Variants in BSN observed in about 807,000 individuals in gnomAD.
The protein encoded by BSN is bassoon presynaptic cytomatrix protein, also known as protein bassoon.
BSN carries 57 observed loss-of-function variants against 264.8 expected under a neutral mutation model. The observed-to-expected ratio is 0.22, with a 90% CI of 0.17 to 0.27. The LOEUF (loss-of-function observed/expected upper bound fraction) is 0.27, where lower values mean the gene tolerates loss of function less well. BSN is among the 10% of genes least tolerant of loss of function. BSN has a pLI of 1.00. For missense variants in BSN, 4,615 were observed against 5,232.5 expected (o/e 0.88, Z 3.64); for synonymous variants, 2,059 against 2,137.3 (o/e 0.96, Z 1.01).
rs756235662 is a variant in BSN, at chr3:49,642,239, C to A, written c.634-29C>A. Reference sequence around the variant, plus strand: ...CATGAGTACTGCCAATCCTGGCCACCCTGCTGACTATTTTGCTTTTCTCCT... The same window carrying A: ...CATGAGTACTGCCAATCCTGGCCACACTGCTGACTATTTTGCTTTTCTCCT... On this transcript the variant is annotated intron_variant, in intron 2 of 11. Coordinates refer to ENST00000296452, the MANE Select transcript of BSN (RefSeq NM_003458.4). The surrounding 1 kb of genome is among the most constrained non-coding windows in gnomAD (Gnocchi z 7.0). The A allele has an allele frequency of 8.7e-6, 13 of 1,489,940 alleles. No individual in the cohort carries two copies. Among genetic ancestry groups the A allele is most frequent in the South Asian group, 2.8e-5 (2 of 71,436 alleles). The allele number at this position is 1,489,940 out of a possible 1,614,324, so 92.3% of individuals were successfully genotyped here.
intron 1 of BSN, among the ~76,000 whole-genome samples, chr3:49,575,644 A>ATG (rs569202274): frequency 0.016 from 1,365 of 85,000 alleles, 25 homozygotes; most frequent in African/African-American, 0.055. Context: ...ATGTATATAT[A>ATG]TGTGTGTGTG....
At chr3:49,664,898 G>T in intron 10 of BSN, 45 bp downstream of exon 10, 2 of 1,468,016 alleles carry the variant, frequency 1.4e-6, no homozygotes, top group Non-Finnish European at 1.9e-6. Flanking sequence ...GGAAAGGCCC[G>T]AGGCACTGGG....
intron 2 of BSN, among the ~76,000 whole-genome samples, chr3:49,633,308 A>G (rs934027980): frequency 1.3e-5 from 2 of 151,916 alleles, no homozygotes; most frequent in Admixed American, 6.6e-5. Context: ...TCTCAAAAAA[A>G]AAAAAAAGAA....
chr3:49,653,938 G>C lies in BSN; in HGVS notation c.4382G>C (p.Gly1461Ala). 6.2e-7 allele frequency: 1 copy of C among 1,614,096 alleles called. No homozygotes were observed. The highest frequency in any genetic ancestry group is 1.1e-5 in the South Asian group (1 of 91,086). Reference sequence around the variant, plus strand: ...CCCTTGAGTGCGAGTGACGGTGAGGGTGGCACTCCTCAGCCTTCCCGGGCA... The same window carrying C: ...CCCTTGAGTGCGAGTGACGGTGAGGCTGGCACTCCTCAGCCTTCCCGGGCA... Reference protein sequence around the residue: ...EKPLSASDGEGGTPQPSRAYS... With the variant: ...EKPLSASDGEAGTPQPSRAYS... Residue 1461 changes from glycine (G) to alanine (A), a missense_variant, in exon 5 of 12, where the codon GGT becomes GCT. Physicochemically the swap from Gly to Ala is moderately conservative, Grantham distance 60 (BLOSUM62 0). This residue lies in a region of BSN where 3,415 missense variants were observed against 3,866.4 expected (regional missense o/e 0.88). Coordinates refer to ENST00000296452, the MANE Select transcript of BSN (RefSeq NM_003458.4). This position sits in a 1 kb window ranked among gnomAD's most constrained non-coding sequence, Gnocchi z 6.3.
At chr3:49,641,475 A>C (rs2108071416) in intron 2 of BSN, 1 of 152,354 alleles carries the variant, frequency 6.6e-6, no homozygotes, top group Admixed American at 6.5e-5. Flanking sequence ...CTAATGGCAG[A>C]GGGAAACTAT....
chr3:49,608,512 A>C (rs1322123342), intron 1 of BSN, among the ~76,000 whole-genome samples: 5 of 152,208 alleles, frequency 3.3e-5, no homozygotes, highest in Non-Finnish European at 7.3e-5. Flanking sequence ...AATCAGTCTC[A>C]ACGTCTTTCA....
At position 49,663,472 on chromosome 3, in the gene BSN, G is replaced by A. The variant is rs2052683332; in HGVS notation, c.11314G>A (p.Ala3772Thr). ...PSSRQIPSGA[A>T]SRQPQTQQQQ... ...ATCCAGGCAAATACCCTCTGGGGCA[G>A]CATCACGCCAGCCACAGACACAGCA... is the stretch of plus-strand genomic sequence containing the variant. The change falls in exon 7 of 12, where the codon GCA becomes ACA. Residue 3772 changes from alanine to threonine, a missense_variant. Ala to Thr is a moderately conservative substitution (Grantham distance 58). Around this residue, in one of 3 missense-constraint regions of BSN, gnomAD observed 3,415 missense variants for 3,866.4 expected, o/e 0.88. Coordinates refer to ENST00000296452, the MANE Select transcript of BSN (RefSeq NM_003458.4). The A allele has an allele frequency of 6.2e-7, 1 of 1,612,718 alleles. No individual in the cohort carries two copies. The highest frequency in any genetic ancestry group is 8.5e-7 in the Non-Finnish European group (1 of 1,179,970).
intron 1 of BSN, among the ~76,000 whole-genome samples, chr3:49,568,790 T>C (rs983373693): frequency 3.3e-5 from 5 of 152,160 alleles, no homozygotes; most frequent in Non-Finnish European, 7.3e-5. Context: ...ATTTTACCAG[T>C]GTGTCTGTGC....
chr3:49,572,147 A>G (rs2108007922), intron 1 of BSN, among the ~76,000 whole-genome samples: 1 of 152,328 alleles, frequency 6.6e-6, no homozygotes, highest in East Asian at 1.9e-4. Context: ...TTGGACTTGT[A>G]GGAGCTCTTT....
intron 3 of BSN, among the ~76,000 whole-genome samples, chr3:49,643,520 C>T (rs1258357934): frequency 6.6e-6 from 1 of 152,196 alleles, no homozygotes; most frequent in African/African-American, 2.4e-5. Context: ...CTGCCATGGA[C>T]CTGTGACCTT....
In BSN at chr3:49,642,789, G is replaced by T; in HGVS notation, c.1155G>T (p.Lys385Asn). The T allele has an allele frequency of 1.2e-6, 2 of 1,613,392 alleles. No individual in the cohort carries two copies. The highest frequency in any genetic ancestry group is 1.7e-6 in the Non-Finnish European group (2 of 1,179,968). The change falls in exon 3 of 12, where the codon AAG becomes AAT. Residue 385 changes from lysine (K) to asparagine (N), a missense_variant. Transcript: ENST00000296452. This position sits in a 1 kb window ranked among gnomAD's most constrained non-coding sequence, Gnocchi z 7.0. ...GQPAPSKGTP[K>N]IVFNDASKEA... ...CTGCCCCCAGCAAGGGGACACCTAA[G>T]ATCGTCTTCAATGATGCCAGCAAGG...
intron 1 of BSN, among the ~76,000 whole-genome samples, chr3:49,595,255 C>T (rs1189652330): frequency 3.4e-5 from 5 of 147,656 alleles, no homozygotes; most frequent in East Asian, 2.0e-4. Context: ...TGCAATGGCA[C>T]GATCTCGGCT....
chr3:49,624,031 C>T (rs909123553), intron 1 of BSN, among the ~76,000 whole-genome samples: 6 of 152,086 alleles, frequency 3.9e-5, no homozygotes, highest in African/African-American at 9.7e-5. Context: ...AATGGAGTCT[C>T]GCTCTGTTGC....
At chr3:49,619,776 G>C (rs76194913) in intron 1 of BSN, among the ~76,000 whole-genome samples, 8,618 of 152,238 alleles carry the variant, frequency 0.057, 349 homozygotes, top group Non-Finnish European at 0.09. Context: ...GTCAGACCCA[G>C]AGAAGGGCCG....
Position 49,625,110 on chromosome 3 carries a change from G to A in BSN, c.360G>A (p.Gln120=), listed in dbSNP as rs746091475. The A allele has an allele frequency of 1.2e-6, 2 of 1,603,328 alleles. No individual in the cohort carries two copies. Among genetic ancestry groups the A allele is most frequent in the East Asian group, 2.3e-5 (1 of 44,180 alleles). The change falls in exon 2 of 12, where the codon CAG becomes CAA. Residue 120 remains glutamine (Q), a synonymous_variant. Coordinates refer to ENST00000296452, the MANE Select transcript of BSN (RefSeq NM_003458.4). The surrounding 1 kb of genome is among the most constrained non-coding windows in gnomAD (Gnocchi z 4.4). ...RETRAQGPAG[Q]EADGPRRTLQ... ...CAAGGGCACAGGGACCAGCAGGCCA[G>A]GAGGCTGATGGTCCCCGCAGGACGC...
In BSN at chr3:49,625,126, CGCAGGACGCTGCAGGTAGACA is replaced by C; in HGVS notation, c.384_404del (p.Leu129_Thr135del). On this transcript the variant is annotated inframe_deletion, in exon 2 of 12. Transcript: ENST00000296452. This position sits in a 1 kb window ranked among gnomAD's most constrained non-coding sequence, Gnocchi z 4.4. ...AGCAGGCCAGGAGGCTGATGGTCCC[CGCAGGACGCTGCAGGTAGACA>C]GCAGGACACAGAGATCAGGGCGGTC... 1 of 1,598,236 alleles carries C rather than the reference CGCAGGACGCTGCAGGTAGACA, an allele frequency of 6.3e-7. No homozygotes were observed. The highest frequency in any genetic ancestry group is 8.5e-7 in the Non-Finnish European group (1 of 1,172,148).
Position 49,654,558 on chromosome 3 carries a change from C to T in BSN, c.5002C>T (p.Leu1668Phe). 1.9e-6 allele frequency: 3 copies of T among 1,610,554 alleles called. No individual in the cohort carries two copies. Among genetic ancestry groups the T allele is most frequent in the Non-Finnish European group, 2.5e-6 (3 of 1,178,070 alleles). ...GACCCCTGGCACTGCAGTGGTAGAC[C>T]TCCGTACAGCTGTCAAGCCCACTCC... is the stretch of plus-strand genomic sequence containing the variant. ...PRTPGTAVVD[L>F]RTAVKPTPII... The change falls in exon 5 of 12, where the codon CTC (leucine) becomes TTC (phenylalanine). Residue 1668 changes from leucine to phenylalanine, a missense_variant. Coordinates refer to ENST00000296452, the MANE Select transcript of BSN (RefSeq NM_003458.4). The surrounding 1 kb of genome is among the most constrained non-coding windows in gnomAD (Gnocchi z 4.1).
In BSN at chr3:49,660,878, C is replaced by T; in HGVS notation, c.9033C>T (p.Tyr3011=). The change falls in exon 6 of 12, where the codon TAC becomes TAT. Residue 3011 remains tyrosine, a synonymous_variant. Coordinates refer to ENST00000296452, the MANE Select transcript of BSN (RefSeq NM_003458.4). The surrounding 1 kb of genome is among the most constrained non-coding windows in gnomAD (Gnocchi z 7.1). Reference sequence around the variant, plus strand: ...GTGGTCTTGGCGAGCATCGTGACTACCTATCGGACAGTGAGCTCAACCAGC... The same window carrying T: ...GTGGTCTTGGCGAGCATCGTGACTATCTATCGGACAGTGAGCTCAACCAGC... ...PLRGLGEHRD[Y]LSDSELNQLR... 1 of 1,613,260 alleles carries T rather than the reference C, an allele frequency of 6.2e-7. No individual in the cohort carries two copies. Among genetic ancestry groups the T allele is most frequent in the South Asian group, 1.1e-5 (1 of 91,080 alleles).
chr3:49,614,685 A>G (rs896487325), intron 1 of BSN, among the ~76,000 whole-genome samples: 3 of 152,286 alleles, frequency 2.0e-5, no homozygotes, highest in Middle Eastern at 6.8e-3. Context: ...GATGGTGACA[A>G]TCTTTCCCAT....
Sources: allele counts gnomAD v4.1 joint callset (sites outside exome capture counted in the v4.1 genomes callset), GRCh38; gene constraint gnomAD v4.1.1; regional missense constraint gnomAD v4.1.1; non-coding constraint Gnocchi (gnomAD v3.1); transcripts MANE v1.5; gene names NCBI Gene and HGNC (gene_info 2026-07-23, HGNC 2026-07-21).